AP4E1: variants seen among roughly 807,000 people sequenced by gnomAD.
AP4E1 encodes AP-4 complex subunit epsilon-1.
Under a neutral mutation model 128.2 loss-of-function variants are expected in AP4E1, and 56 were observed. That is an observed-to-expected ratio of 0.44 (90% CI 0.35 to 0.55). The LOEUF (loss-of-function observed/expected upper bound fraction) is 0.55, where lower values mean the gene tolerates loss of function less well. Among genes scored for constraint, AP4E1 ranks in the 20% least tolerant of loss-of-function variants. The pLI is 0.00. For missense variants in AP4E1, 1,324 were observed against 1,307.7 expected (o/e 1.01, Z -0.19); for synonymous variants, 484 against 473.1 (o/e 1.02, Z -0.30).
chr15:50,994,321 A>G (rs1289577243), intron 17 of AP4E1, among the ~76,000 whole-genome samples: 1 of 152,172 alleles, frequency 6.6e-6, no homozygotes, highest in African/African-American at 2.4e-5. Context: ...CATGTAATGT[A>G]TCCTCCTTTT....
chr15:50,907,721 A>G (rs1383577760), upstream of AP4E1, among the ~76,000 whole-genome samples: 1 of 152,214 alleles, frequency 6.6e-6, no homozygotes. Context: ...TTCCAACAGA[A>G]TGAGGGTAAA....
chr15:51,002,999 G>C lies in AP4E1; in HGVS notation c.*337G>C, dbSNP rs2064982901. 1 of 208,326 alleles carries C rather than the reference G, an allele frequency of 4.8e-6. No individual in the cohort carries two copies. The highest frequency in any genetic ancestry group is 5.4e-5 in the Admixed American group (1 of 18,476). The allele number at this position is 208,326 out of a possible 1,614,324, so 12.9% of individuals were successfully genotyped here. A position where few individuals can be genotyped will look rare whatever the true frequency, so the allele number is the denominator to read the frequency against. On this transcript the variant is annotated 3_prime_UTR_variant, in exon 21 of 21. Transcript: ENST00000261842. The stretch of plus-strand genomic sequence containing the variant: ...TTATAGCACGTTTACTCTAGTGCTA[G>C]CTAATTTGTAATAAAGCCAAGTCTC...
intron 20 of AP4E1, among the ~76,000 whole-genome samples, chr15:51,002,268 G>T (rs1339732491): frequency 1.3e-5 from 2 of 152,222 alleles, no homozygotes; most frequent in African/African-American, 4.8e-5. Context: ...CAGGGTTCCA[G>T]TTTCTCCACG....
Position 50,995,945 on chromosome 15 carries a change from A to G in AP4E1, c.2347-1381A>G, listed in dbSNP as rs1265271960. 1.4e-4 allele frequency among the ~76,000 whole-genome samples: 20 copies of G among 145,598 alleles called. 1 individual carries two copies. Among genetic ancestry groups the G allele is most frequent in the Non-Finnish European group, 2.6e-4 (17 of 66,166 alleles). ...AAAAAAGGAACAGAGAGCATCAGTG[A>G]CTTGGGGGACAGTAACAAGCAGTCT... On this transcript the variant is annotated intron_variant, in intron 17 of 20. Coordinates refer to ENST00000261842, the MANE Select transcript of AP4E1 (RefSeq NM_007347.5).
chr15:50,957,671 CT>C (rs61656848), intron 13 of AP4E1, among the ~76,000 whole-genome samples: 2,135 of 87,942 alleles, frequency 0.024, 9 homozygotes, highest in African/African-American at 0.03. Context: ...ACAAGCGTTT[CT>C]TTTTTTTTTT....
intron 14 of AP4E1, among the ~76,000 whole-genome samples, chr15:50,965,185 GTTTC>G: frequency 6.6e-6 from 1 of 152,108 alleles, no homozygotes; most frequent in Non-Finnish European, 1.5e-5. Context: ...AGTCTCAAGT[GTTTC>G]TTTATAGCAG....
At chr15:50,982,280 T>C (rs1208312580) in intron 15 of AP4E1, among the ~76,000 whole-genome samples, 6 of 152,134 alleles carry the variant, frequency 3.9e-5, no homozygotes, top group South Asian at 2.1e-4. Flanking sequence ...TCACCTGTTA[T>C]GTTGCATTGT....
Position 50,997,671 on chromosome 15 carries a change from A to C in AP4E1, c.2692A>C (p.Lys898Gln), listed in dbSNP as rs753791503. 1.2e-6 allele frequency: 2 copies of C among 1,614,060 alleles called. No homozygotes were observed. The highest frequency in any genetic ancestry group is 1.7e-6 in the Non-Finnish European group (2 of 1,179,988). The change falls in exon 18 of 21, where the codon AAG becomes CAG. Residue 898 changes from lysine to glutamine, a missense_variant. Lys to Gln is a moderately conservative substitution (Grantham distance 53). Coordinates refer to ENST00000261842, the MANE Select transcript of AP4E1 (RefSeq NM_007347.5). ...TCAATCTACTGCAGCCTCAGTTGCC[A>C]AGGAAAGCTCTTTAGCTTCATCTTT... is the stretch of plus-strand genomic sequence containing the variant. ...PPQSTAASVAKESSLASSFLE... is the reference protein window; with the variant it reads ...PPQSTAASVAQESSLASSFLE...
In AP4E1 at chr15:50,934,696, T is replaced by C. The variant is rs1279121550; in HGVS notation, c.942T>C (p.Tyr314=). The C allele has an allele frequency of 6.3e-7, 1 of 1,587,624 alleles. No homozygotes were observed. The highest frequency in any genetic ancestry group is 2.2e-5 in the East Asian group (1 of 44,556). ...CTGAGTTAAATCACAATGTCACATATGGTAGGTAATATATGTAAATATTAC... is the reference window on the plus strand; with the variant it reads ...CTGAGTTAAATCACAATGTCACATACGGTAGGTAATATATGTAAATATTAC... The part of the protein sequence containing the change: ...RRAELNHNVT[Y]AILFECVHTV... Residue 314 remains tyrosine, a splice_region_variant and synonymous_variant, in exon 8 of 21, where the codon TAT becomes TAC. Coordinates refer to ENST00000261842, the MANE Select transcript of AP4E1 (RefSeq NM_007347.5).
intron 15 of AP4E1, among the ~76,000 whole-genome samples, chr15:50,977,813 G>A (rs1208424956): frequency 2.0e-5 from 3 of 149,166 alleles, no homozygotes; most frequent in African/African-American, 5.0e-5. Flanking sequence ...GGGTTCAAGC[G>A]ATTCTTGTGC....
At chr15:50,985,631 T>C (rs2064710751) in intron 16 of AP4E1, among the ~76,000 whole-genome samples, 1 of 152,212 alleles carries the variant, frequency 6.6e-6, no homozygotes. Flanking sequence ...AGATGTGTGG[T>C]ATTATTTCTG....
chr15:50,945,065 A>G (rs1448576218), intron 10 of AP4E1: 3 of 780,988 alleles, frequency 3.8e-6, no homozygotes, highest in Admixed American at 3.4e-5. Flanking sequence ...CTGTGAAACA[A>G]TGGAAAATGG....
intron 17 of AP4E1, among the ~76,000 whole-genome samples, chr15:50,994,572 A>G (rs1273850764): frequency 6.6e-6 from 1 of 152,206 alleles, no homozygotes; most frequent in Admixed American, 6.5e-5. Context: ...TAAAAATATT[A>G]ATAACTAATG....
Position 50,997,846 on chromosome 15 carries a change from G to T in AP4E1, c.2867G>T (p.Ser956Ile). ...VTNKSGLELK[S>I]ADLEIFPAEN... is the part of the protein sequence containing the mutation. ...AATAAGAGTGGTTTGGAATTGAAAAGTGCTGACTTAGAAATTTTTCCTGCA... is the reference window on the plus strand; with the variant it reads ...AATAAGAGTGGTTTGGAATTGAAAATTGCTGACTTAGAAATTTTTCCTGCA... Residue 956 changes from serine to isoleucine, a missense_variant, in exon 18 of 21, where the codon AGT (serine) becomes ATT (isoleucine). Coordinates refer to ENST00000261842, the MANE Select transcript of AP4E1 (RefSeq NM_007347.5). The T allele has an allele frequency of 6.3e-7, 1 of 1,598,900 alleles. No homozygotes were observed. Among genetic ancestry groups the T allele is most frequent in the Non-Finnish European group, 8.5e-7 (1 of 1,170,648 alleles).
intron 1 of AP4E1, among the ~76,000 whole-genome samples, chr15:50,910,017 C>T (rs979204030): frequency 2.6e-5 from 4 of 152,148 alleles, no homozygotes; most frequent in Non-Finnish European, 4.4e-5. Flanking sequence ...GACGGAGTCT[C>T]GCTCTGTCGC....
At chr15:50,921,411 T>A (rs932701763) in intron 3 of AP4E1, among the ~76,000 whole-genome samples, 1 of 151,964 alleles carries the variant, frequency 6.6e-6, no homozygotes, top group Non-Finnish European at 1.5e-5. Context: ...TGCAGTGGCG[T>A]GATCTTGGTT....
intron 14 of AP4E1, among the ~76,000 whole-genome samples, chr15:50,966,474 G>A (rs1313072692): frequency 6.7e-6 from 1 of 148,234 alleles, no homozygotes; most frequent in Non-Finnish European, 1.5e-5. Flanking sequence ...CTACACTTCC[G>A]TTTTCCTCCA....
chr15:50,914,955 G>C (rs1485502052), intron 2 of AP4E1, among the ~76,000 whole-genome samples: 1 of 152,072 alleles, frequency 6.6e-6, no homozygotes, highest in Non-Finnish European at 1.5e-5. Flanking sequence ...ATTGTACTTA[G>C]CACAATAATT....
intron 15 of AP4E1, among the ~76,000 whole-genome samples, chr15:50,975,148 G>A (rs2064534540): frequency 1.3e-5 from 2 of 152,214 alleles, no homozygotes; most frequent in Non-Finnish European, 2.9e-5. Context: ...GCTCACACCT[G>A]TAATCCCAGT....
Sources: allele counts gnomAD v4.1 joint callset (sites outside exome capture counted in the v4.1 genomes callset), GRCh38; gene constraint gnomAD v4.1.1; transcripts MANE v1.5; gene names NCBI Gene and HGNC (gene_info 2026-07-23, HGNC 2026-07-21).